The following SLC7A8 variants were observed in gnomAD, a reference collection of about 807,000 sequenced individuals.
SLC7A8 encodes the protein solute carrier family 7 member 8.
A neutral mutation model predicts 51.2 loss-of-function variants in SLC7A8; 30 were observed. That is an observed-to-expected ratio of 0.59 (90% CI 0.44 to 0.80). The LOEUF (loss-of-function observed/expected upper bound fraction) is 0.80, where lower values mean the gene tolerates loss of function less well. Among genes scored for constraint, SLC7A8 ranks in the 30% least tolerant of loss-of-function variants. The probability of loss-of-function intolerance (pLI) is 0.00; values close to 1 mark genes in which losing one functional copy is unlikely to be tolerated. For synonymous variants in SLC7A8, 257 were observed against 275.8 expected, an observed-to-expected ratio of 0.93 and a Z score of 0.67; for missense variants, 612 against 674.4, an observed-to-expected ratio of 0.91 and a Z score of 1.03.
intron 1 of SLC7A8, among the ~76,000 whole-genome samples, chr14:23,177,332 T>C (rs1337923333): frequency 6.6e-6 from 1 of 152,252 alleles, no homozygotes; most frequent in Non-Finnish European, 1.5e-5. Flanking sequence ...GGCAGCCAAC[T>C]GTCCAACCCT....
rs578035598 is a variant in SLC7A8 at position 23,176,998 on chromosome 14, T to A, written c.151+5766A>T. ...AGTAAGAGCTCAATAAATACTATTT[T>A]AAAAAATCATGTTAGTTGGGAGATA... On this transcript the variant is annotated intron_variant, in intron 1 of 10. Transcript: ENST00000316902. Among the ~76,000 whole-genome samples, 13 of 151,966 alleles carry A rather than the reference T, an allele frequency of 8.6e-5. No homozygotes were observed. The South Asian group carries it at 2.5e-3, about 29-fold the overall frequency.
chr14:23,171,461 A>G (rs1346814712), intron 1 of SLC7A8, among the ~76,000 whole-genome samples: 3 of 152,196 alleles, frequency 2.0e-5, no homozygotes, highest in Non-Finnish European at 2.9e-5. Flanking sequence ...CCATTAAAGC[A>G]TTACTCACAT....
chr14:23,167,579 AG>A (rs2048956266), intron 1 of SLC7A8, among the ~76,000 whole-genome samples: 1 of 151,988 alleles, frequency 6.6e-6, no homozygotes, highest in Non-Finnish European at 1.5e-5. Flanking sequence ...GCAGACGAGG[AG>A]TAAGAGTGTG....
intron 3 of SLC7A8, among the ~76,000 whole-genome samples, chr14:23,146,181 T>C (rs2048792160): frequency 6.6e-6 from 1 of 151,804 alleles, no homozygotes; most frequent in Non-Finnish European, 1.5e-5. Flanking sequence ...ATAAAGGAGA[T>C]TGATAAAAGG....
rs1161312768 is a variant in SLC7A8, at chr14:23,140,599, C to A, written c.660G>T (p.Lys220Asn). 2 of 1,613,948 alleles carry A rather than the reference C, an allele frequency of 1.2e-6. No homozygotes were observed. The highest frequency in any genetic ancestry group is 1.7e-5 in the Admixed American group (1 of 60,012). The change falls in exon 5 of 11, where the codon AAG becomes AAT. Residue 220 changes from lysine to asparagine, a missense_variant. By Grantham distance (94) the Lys-to-Asn change is moderately conservative (BLOSUM62 0). Coordinates refer to ENST00000316902, the MANE Select transcript of SLC7A8 (RefSeq NM_012244.4). ...GTTCCTGGAAATTCTCAAATGCATT[C>A]TTTGGCTCCAGCCAGAAGTACTCTC... is the stretch of plus-strand genomic sequence containing the variant. ...CKGEYFWLEP[K>N]NAFENFQEPD...
Position 23,128,403 on chromosome 14 carries a change from A to G in SLC7A8, c.1264-207T>C. 6.6e-7 allele frequency: 1 copy of G among 1,512,182 alleles called. No homozygotes were observed. The highest frequency in any genetic ancestry group is 8.9e-7 in the Non-Finnish European group (1 of 1,129,648). The allele number at this position is 1,512,182 out of a possible 1,614,324, so 93.7% of individuals were successfully genotyped here. ...TGTTGATGAACATGGTCGGTCAGAC[A>G]GGAAGAGGATGGGGAGGAGTTAGGG... On this transcript the variant is annotated intron_variant, in intron 9 of 10. Transcript: ENST00000316902. The surrounding 1 kb of genome is among the most constrained non-coding windows in gnomAD (Gnocchi z 4.3).
At chr14:23,147,025 A>G (rs1205073240) in intron 3 of SLC7A8, 2 of 152,078 alleles carry the variant, frequency 1.3e-5, no homozygotes, top group Non-Finnish European at 2.9e-5. Flanking sequence ...CAGGGAAGCC[A>G]CATGTAGATG....
At chr14:23,161,603 T>TGGGGGTAGGTGGGG (rs2048922893) in intron 3 of SLC7A8, among the ~76,000 whole-genome samples, 1 of 3,876 alleles carries the variant, frequency 2.6e-4, no homozygotes, top group East Asian at 5.5e-3. Context: ...GGTAGGTGGG[T>TGGGGGTAGGTGGGG]GGGTGGGAGG....
chr14:23,158,532 G>A (rs895239211), intron 3 of SLC7A8, among the ~76,000 whole-genome samples: 6 of 152,134 alleles, frequency 3.9e-5, no homozygotes, highest in African/African-American at 1.4e-4. Context: ...TTTTAGTAGC[G>A]ACGGGGTTTC....
At chr14:23,162,956 G>A (rs1248899651) in intron 3 of SLC7A8, among the ~76,000 whole-genome samples, 1 of 152,112 alleles carries the variant, frequency 6.6e-6, no homozygotes, top group Non-Finnish European at 1.5e-5. Context: ...GCAGGAAAAA[G>A]GAAGCTGTCT....
chr14:23,137,869 A>G (rs2140309632), intron 7 of SLC7A8, 52 bp downstream of exon 7: 2 of 1,596,472 alleles, frequency 1.3e-6, no homozygotes, highest in East Asian at 4.5e-5. Context: ...ACAAATAGCA[A>G]AGTGCACAGC....
rs562280241 is a variant in SLC7A8, at chr14:23,125,393, G to A, written c.*1784C>T. On this transcript the variant is annotated 3_prime_UTR_variant, in exon 11 of 11. Transcript: ENST00000316902. ...CCAAACGAAAGAAATTATCATTAAG[G>A]TTCTAACTCCATCCCCCAAAACAAC... 6.6e-6 allele frequency: 1 copy of A among 152,166 alleles called. No individual in the cohort carries two copies. Among genetic ancestry groups the A allele is most frequent in the Admixed American group, 6.5e-5 (1 of 15,268 alleles). 9.4% of individuals were successfully genotyped at this position (152,166 alleles called of 1,614,324 possible).
At chr14:23,161,698 C>CGG (rs2048923601) in intron 3 of SLC7A8, among the ~76,000 whole-genome samples, 1 of 152,056 alleles carries the variant, frequency 6.6e-6, no homozygotes, top group Non-Finnish European at 1.5e-5. Context: ...GAGGCTGAGG[C>CGG]GGGTGGATCA....
rs764064019 is a variant in SLC7A8, at chr14:23,128,335, G to A, written c.1264-139C>T. The stretch of plus-strand genomic sequence containing the variant: ...AGGCTGGGCTTCCCTCGGCTCTGTG[G>A]TCCCACACTCACCCCTGGTAGGGCA... On this transcript the variant is annotated intron_variant, in intron 9 of 10. Coordinates refer to ENST00000316902, the MANE Select transcript of SLC7A8 (RefSeq NM_012244.4). This position sits in a 1 kb window ranked among gnomAD's most constrained non-coding sequence, Gnocchi z 4.3. 1,250 of 1,541,914 alleles carry A rather than the reference G, an allele frequency of 8.1e-4. No individual in the cohort carries two copies. The highest frequency in any genetic ancestry group is 1.0e-3 in the Non-Finnish European group (1,196 of 1,147,314).
intron 4 of SLC7A8, among the ~76,000 whole-genome samples, chr14:23,141,843 G>A (rs1218461930): frequency 1.3e-5 from 2 of 152,208 alleles, no homozygotes; most frequent in Non-Finnish European, 2.9e-5. Flanking sequence ...ACAGTGTGCT[G>A]CAGACTGTGG....
intron 1 of SLC7A8, among the ~76,000 whole-genome samples, chr14:23,178,642 C>T (rs115205885): frequency 0.011 from 1,649 of 151,184 alleles, 24 homozygotes; most frequent in African/African-American, 0.038. Flanking sequence ...TTGTTGGGCA[C>T]GGTGGCCCAC....
chr14:23,181,407 A>T (rs10143908), intron 1 of SLC7A8, among the ~76,000 whole-genome samples: 11,239 of 147,622 alleles, frequency 0.076, 1,054 homozygotes, highest in African/African-American at 0.23. Flanking sequence ...GAGTCAGGGA[A>T]TCACATAAAA....
rs757016838 is a variant in SLC7A8 at position 23,166,532 on chromosome 14, T to C, written c.160A>G (p.Ile54Val). The C allele has an allele frequency of 4.7e-5, 76 of 1,613,818 alleles. No homozygotes were observed. Among genetic ancestry groups the C allele is most frequent in the Non-Finnish European group, 6.2e-5 (73 of 1,179,890 alleles). ...SACGIIVGNI[I>V]GSGIFVSPKG... is the part of the protein sequence containing the mutation. ...GGCGAGACAAAGATTCCAGAGCCGA[T>C]GATGTTCCCTGCATGAGGCACCAAG... Residue 54 changes from isoleucine (I) to valine (V), a missense_variant, in exon 2 of 11, where the codon ATC becomes GTC. Coordinates refer to ENST00000316902, the MANE Select transcript of SLC7A8 (RefSeq NM_012244.4).
intron 3 of SLC7A8, among the ~76,000 whole-genome samples, chr14:23,162,967 G>A (rs973693317): frequency 4.6e-5 from 7 of 152,136 alleles, no homozygotes; most frequent in African/African-American, 1.7e-4. Context: ...GAAGCTGTCT[G>A]TGTGCAAAGA....
Sources: allele counts gnomAD v4.1 joint callset (sites outside exome capture counted in the v4.1 genomes callset), GRCh38; gene constraint gnomAD v4.1.1; non-coding constraint Gnocchi (gnomAD v3.1); transcripts MANE v1.5; gene names NCBI Gene and HGNC (gene_info 2026-07-23, HGNC 2026-07-21).